PUDP: variants seen among roughly 807,000 people sequenced by gnomAD.
The protein encoded by PUDP is pseudouridine-5'-phosphatase.
A neutral mutation model predicts 9.4 loss-of-function variants in PUDP; 8 were observed. The observed-to-expected ratio is 0.85, with a 90% CI of 0.50 to 1.53. PUDP has a LOEUF of 1.53. Among genes scored for constraint, PUDP ranks in the 40% most tolerant of loss-of-function variants. The pLI is 0.00. For missense variants in PUDP, 188 were observed against 189.7 expected (o/e 0.99, Z 0.05); for synonymous variants, 99 against 80.7 (o/e 1.23, Z -1.22).
intron 3 of PUDP, among the ~76,000 whole-genome samples, chrX:6,965,669 G>T (rs1928772260): frequency 8.9e-6 from 1 of 112,139 alleles, no homozygotes; most frequent in Non-Finnish European, 1.9e-5. Flanking sequence ...TTGTTAAACA[G>T]GAGTTATACA....
chrX:6,928,856 C>T (rs775769732), intron 3 of PUDP, among the ~76,000 whole-genome samples: 91 of 111,454 alleles, frequency 8.2e-4, no homozygotes, highest in African/African-American at 2.8e-3. Context: ...CCAGATCGTG[C>T]CACCACTGCA....
chrX:6,873,541 G>A (rs1218557739), intron 3 of PUDP, among the ~76,000 whole-genome samples: 2 of 111,614 alleles, frequency 1.8e-5, no homozygotes, highest in Admixed American at 9.6e-5. Flanking sequence ...TTTTTACAGA[G>A]TAAGCCTATG....
At chrX:6,928,822 G>C (rs746364144) in intron 3 of PUDP, among the ~76,000 whole-genome samples, 1 of 111,018 alleles carries the variant, frequency 9.0e-6, no homozygotes, top group African/African-American at 3.3e-5. Context: ...CTCTTGAGCC[G>C]GGGAGGCGGA....
intron 3 of PUDP, among the ~76,000 whole-genome samples, chrX:6,928,663 G>A (rs1341554496): frequency 9.0e-6 from 1 of 111,625 alleles, no homozygotes; most frequent in Non-Finnish European, 1.9e-5. Flanking sequence ...CAGAGGCCGA[G>A]GAGGGTGAAT....
chrX:7,088,451 G>A (rs1253555935), intron 2 of PUDP, among the ~76,000 whole-genome samples: 1 of 111,420 alleles, frequency 9.0e-6, no homozygotes, highest in Non-Finnish European at 1.9e-5. Flanking sequence ...GACCCTAAGT[G>A]CCCCTCCTCC....
chrX:6,874,156 AT>A (rs772668274), intron 3 of PUDP, among the ~76,000 whole-genome samples: 3 of 108,849 alleles, frequency 2.8e-5, no homozygotes, highest in East Asian at 2.9e-4. Flanking sequence ...GAAAGAAAGG[AT>A]TTTTTTTTCC....
At chrX:7,059,495 G>A (rs1450377483) in intron 3 of PUDP, among the ~76,000 whole-genome samples, 1 of 111,636 alleles carries the variant, frequency 9.0e-6, no homozygotes, top group Non-Finnish European at 1.9e-5. Flanking sequence ...ATCTTACGTA[G>A]CCTTCTGCAT....
intron 3 of PUDP, among the ~76,000 whole-genome samples, chrX:6,800,696 TC>T (rs1925918033): frequency 9.0e-6 from 1 of 111,485 alleles, no homozygotes; most frequent in South Asian, 3.8e-4. Context: ...TAATTAGGCC[TC>T]CCAGCACGAG....
At chrX:6,951,651 T>G (rs1158410076) in intron 3 of PUDP, among the ~76,000 whole-genome samples, 1 of 111,689 alleles carries the variant, frequency 9.0e-6, no homozygotes, top group Non-Finnish European at 1.9e-5. Context: ...AATGCAATGG[T>G]GGTTGATGCT....
intron 2 of PUDP, among the ~76,000 whole-genome samples, chrX:7,081,349 T>A (rs777429864): frequency 1.8e-5 from 2 of 111,613 alleles, no homozygotes; most frequent in South Asian, 7.6e-4. Flanking sequence ...AGACAGGGTC[T>A]CCCTATGTTA....
intron 3 of PUDP, among the ~76,000 whole-genome samples, chrX:6,798,126 G>A (rs997735965): frequency 1.8e-5 from 2 of 112,214 alleles, no homozygotes; most frequent in Non-Finnish European, 3.8e-5. Context: ...AATTTATAAA[G>A]GAAAGAGATT....
intron 3 of PUDP, among the ~76,000 whole-genome samples, chrX:6,975,797 G>A (rs958239558): frequency 1.3e-4 from 14 of 111,979 alleles, no homozygotes; most frequent in African/African-American, 3.9e-4. Context: ...CTGAAGCTGC[G>A]CCCACAGCCG....
chrX:6,752,162 A>G (rs1925101165), intron 3 of PUDP, among the ~76,000 whole-genome samples: 1 of 111,505 alleles, frequency 9.0e-6, no homozygotes, highest in East Asian at 2.8e-4. Flanking sequence ...ATATCACTTC[A>G]AATTCTCTCT....
At chrX:6,732,539 GAA>G (rs1273361462) in intron 3 of PUDP, among the ~76,000 whole-genome samples, 1 of 96,871 alleles carries the variant, frequency 1.0e-5, no homozygotes, top group Non-Finnish European at 2.0e-5. Context: ...GTAAGTGAAA[GAA>G]AGAGAGAGAA....
At chrX:6,731,777 G>T (rs1369240018) in intron 3 of PUDP, among the ~76,000 whole-genome samples, 2 of 104,280 alleles carry the variant, frequency 1.9e-5, no homozygotes, top group Non-Finnish European at 3.9e-5. Context: ...AGGGAGGGAG[G>T]GAAAAGGGAA....
intron 1 of PUDP, among the ~76,000 whole-genome samples, chrX:7,115,926 A>G (rs898396035): frequency 1.8e-5 from 2 of 112,626 alleles, no homozygotes; most frequent in Non-Finnish European, 3.8e-5. Flanking sequence ...TCCTAGTGTC[A>G]TAGGAAGGCA....
intron 1 of PUDP, among the ~76,000 whole-genome samples, chrX:7,144,506 G>A (rs748218441): frequency 8.9e-6 from 1 of 111,738 alleles, no homozygotes; most frequent in South Asian, 3.8e-4. Context: ...GTCTCAGGCA[G>A]CCCACAATCC....
chrX:6,911,082 T>C (rs1346913825), intron 3 of PUDP, among the ~76,000 whole-genome samples: 1 of 112,643 alleles, frequency 8.9e-6, no homozygotes, highest in African/African-American at 3.2e-5. Flanking sequence ...CATAGATACT[T>C]CTGCCCTTTG....
chrX:6,933,127 C>T (rs1257308888), intron 3 of PUDP, among the ~76,000 whole-genome samples: 2 of 109,453 alleles, frequency 1.8e-5, no homozygotes, highest in Non-Finnish European at 3.8e-5. Context: ...GTGGTTCTCC[C>T]AGCACGCAGC....
Sources: allele counts gnomAD v4.1 joint callset (sites outside exome capture counted in the v4.1 genomes callset), GRCh38; gene constraint gnomAD v4.1.1; transcripts MANE v1.5; gene names NCBI Gene and HGNC (gene_info 2026-07-23, HGNC 2026-07-21).